Variants in IGF1R observed in about 807,000 individuals in gnomAD.
The protein encoded by IGF1R is insulin-like growth factor 1 receptor.
A neutral mutation model predicts 144.6 loss-of-function variants in IGF1R; 44 were observed. That is an observed-to-expected ratio of 0.30 (90% CI 0.24 to 0.39). The LOEUF (loss-of-function observed/expected upper bound fraction) is 0.39. Among genes scored for constraint, IGF1R ranks in the 10% least tolerant of loss-of-function variants. The pLI is 1.00. For missense variants in IGF1R, 1,355 were observed against 1,833.7 expected, an observed-to-expected ratio of 0.74 and a Z score of 4.77; for synonymous variants, 795 against 722.8, an observed-to-expected ratio of 1.10 and a Z score of -1.60.
intron 2 of IGF1R, among the ~76,000 whole-genome samples, chr15:98,710,060 C>T (rs2141263162): frequency 6.6e-6 from 1 of 152,262 alleles, no homozygotes; most frequent in African/African-American, 2.4e-5. Context: ...TAAAGCCTGC[C>T]TTCCTCATAG....
chr15:98,806,441 T>G (rs1328699981), intron 2 of IGF1R, among the ~76,000 whole-genome samples: 2 of 152,044 alleles, frequency 1.3e-5, no homozygotes, highest in African/African-American at 4.8e-5. Context: ...CTGGCATCTG[T>G]GGGCTTAAAG....
intron 2 of IGF1R, among the ~76,000 whole-genome samples, chr15:98,736,859 A>G (rs924531545): frequency 2.0e-5 from 3 of 152,054 alleles, no homozygotes; most frequent in Non-Finnish European, 2.9e-5. Context: ...CAATCCGCCT[A>G]TCTCGGGCTC....
intron 2 of IGF1R, among the ~76,000 whole-genome samples, chr15:98,760,499 G>A (rs1350143823): frequency 6.6e-6 from 1 of 152,200 alleles, no homozygotes; most frequent in Non-Finnish European, 1.5e-5. Context: ...TATAACGATA[G>A]CTGTAATACA....
chr15:98,816,226 C>T lies in IGF1R; in HGVS notation c.641-75099C>T, dbSNP rs548542306. Reference sequence around the variant, plus strand: ...TTTGAGGTTCCAGCAGCCAGCTTTGCCTCATCAGGCCTTTCTCTGAAATTC... The same window carrying T: ...TTTGAGGTTCCAGCAGCCAGCTTTGTCTCATCAGGCCTTTCTCTGAAATTC... On this transcript the variant is annotated intron_variant, in intron 2 of 20. Coordinates refer to ENST00000650285, the MANE Select transcript of IGF1R (RefSeq NM_000875.5). 4.9e-4 allele frequency among the ~76,000 whole-genome samples: 74 copies of T among 152,326 alleles called. 1 individual carries two copies. The highest frequency in any genetic ancestry group is 3.4e-3 in the Middle Eastern group (1 of 294).
rs4987179 is a variant in IGF1R at position 98,935,076 on chromosome 15, C to T, written c.3186+23C>T. The T allele has an allele frequency of 4.7e-3, 7,301 of 1,569,536 alleles. 314 individuals carry two copies. The African/African-American group carries it at 0.086, about 18-fold the overall frequency. On this transcript the variant is annotated intron_variant, in intron 16 of 20. Transcript: ENST00000650285. This position sits in a 1 kb window ranked among gnomAD's most constrained non-coding sequence, Gnocchi z 4.2. ...GTGGTAAGAGAAAGTTCCTGAAAAG[C>T]CAAAATGCAGCACAGGGAGAGGGTA... is the stretch of plus-strand genomic sequence containing the variant.
At chr15:98,776,025 A>T (rs926558064) in intron 2 of IGF1R, among the ~76,000 whole-genome samples, 4 of 152,162 alleles carry the variant, frequency 2.6e-5, no homozygotes, top group Admixed American at 2.0e-4. Context: ...AATCATACAG[A>T]CTTTCTCAAT....
chr15:98,684,182 A>G (rs991282859), intron 1 of IGF1R, among the ~76,000 whole-genome samples: 8 of 152,248 alleles, frequency 5.3e-5, no homozygotes, highest in African/African-American at 1.4e-4. Context: ...CCTAAAAAAT[A>G]AAAGCTTCTA....
chr15:98,836,095 A>G (rs2057094686), intron 2 of IGF1R, among the ~76,000 whole-genome samples: 1 of 152,220 alleles, frequency 6.6e-6, no homozygotes, highest in Admixed American at 6.5e-5. Context: ...AAATTCGTCC[A>G]GTGAGGAAAA....
At chr15:98,788,052 C>G (rs1347433132) in intron 2 of IGF1R, among the ~76,000 whole-genome samples, 31 of 139,658 alleles carry the variant, frequency 2.2e-4, no homozygotes, top group African/African-American at 7.1e-4. Context: ...CTCTCTCTCT[C>G]TCTCTCTCTC....
intron 2 of IGF1R, among the ~76,000 whole-genome samples, chr15:98,818,219 G>T (rs1238456090): frequency 6.6e-6 from 1 of 152,188 alleles, no homozygotes; most frequent in African/African-American, 2.4e-5. Context: ...GGAGGTGGGA[G>T]GTGGCCGGGG....
intron 1 of IGF1R, among the ~76,000 whole-genome samples, chr15:98,653,020 T>C (rs927556599): frequency 6.6e-6 from 1 of 152,094 alleles, no homozygotes; most frequent in Admixed American, 6.5e-5. Context: ...TACATACATT[T>C]GACAGGCTGA....
At chr15:98,914,275 G>A (rs1048832324) in intron 8 of IGF1R, among the ~76,000 whole-genome samples, 2 of 152,192 alleles carry the variant, frequency 1.3e-5, no homozygotes, top group Non-Finnish European at 2.9e-5. Context: ...TTTTGGTAGG[G>A]GACACAGGCA....
chr15:98,677,471 A>G (rs764671236), intron 1 of IGF1R, among the ~76,000 whole-genome samples: 10 of 152,204 alleles, frequency 6.6e-5, no homozygotes, highest in Non-Finnish European at 1.2e-4. Context: ...TGTGTCACTT[A>G]GGAATATAAA....
rs1299270161 is a variant in IGF1R, at chr15:98,959,320, T to TCCAAGGGAGCAGCAGAGCTGAGG, written c.*1896_*1897insTGAGGCCAAGGGAGCAGCAGAGC. 2 of 233,526 alleles carry TCCAAGGGAGCAGCAGAGCTGAGG rather than the reference T, an allele frequency of 8.6e-6. No individual in the cohort carries two copies. 14.5% of individuals were successfully genotyped at this position (233,526 alleles called of 1,614,324 possible). A position where few individuals can be genotyped will look rare whatever the true frequency, so the allele number is the denominator to read the frequency against. On this transcript the variant is annotated 3_prime_UTR_variant, in exon 21 of 21. Coordinates refer to ENST00000650285, the MANE Select transcript of IGF1R (RefSeq NM_000875.5). ...CATCCCACGAAAAACAGCTGCTGAG[T>TCCAAGGGAGCAGCAGAGCTGAGG]CCAAGGGAGCAGCAGAGCGTGGTCC...
chr15:98,799,797 C>T (rs1410310878), intron 2 of IGF1R, among the ~76,000 whole-genome samples: 5 of 151,734 alleles, frequency 3.3e-5, no homozygotes, highest in Admixed American at 6.6e-5. Context: ...AGCAGGCTTT[C>T]CCCTCCACCT....
chr15:98,913,759 G>A (rs921359459), intron 8 of IGF1R, among the ~76,000 whole-genome samples: 4 of 152,218 alleles, frequency 2.6e-5, no homozygotes, highest in African/African-American at 7.2e-5. Context: ...TGGATATTCA[G>A]AGTATTCACT....
chr15:98,716,312 C>CTCTCTCTG (rs1175902189), intron 2 of IGF1R, among the ~76,000 whole-genome samples: 4 of 152,044 alleles, frequency 2.6e-5, no homozygotes, highest in Non-Finnish European at 5.9e-5. Context: ...TGCTTGGTCT[C>CTCTCTCTG]TCTCTCTGTC....
intron 10 of IGF1R, among the ~76,000 whole-genome samples, chr15:98,917,879 T>C (rs548628398): frequency 2.6e-5 from 4 of 152,346 alleles, no homozygotes; most frequent in Admixed American, 2.6e-4. Context: ...ATAGGTTTTC[T>C]ATTTGGAGTG....
At chr15:98,941,997 T>C (rs569006968) in intron 18 of IGF1R, among the ~76,000 whole-genome samples, 4 of 152,334 alleles carry the variant, frequency 2.6e-5, no homozygotes, top group South Asian at 4.1e-4. Flanking sequence ...TCTGGAGACA[T>C]GGAAAATGGA....
Sources: gnomAD v4.1 joint callset for allele counts (sites outside exome capture counted in the v4.1 genomes callset) on GRCh38, gnomAD v4.1.1 for gene constraint, Gnocchi (gnomAD v3.1) non-coding constraint, MANE v1.5 for transcripts, NCBI Gene and HGNC (gene_info 2026-07-23, HGNC 2026-07-21) for gene names.